Variants in ZC3H6 observed in about 807,000 individuals in gnomAD.
ZC3H6 encodes the protein zinc finger CCCH domain-containing protein 6.
A neutral mutation model predicts 107.7 loss-of-function variants in ZC3H6; 40 were observed. The observed-to-expected ratio is 0.37, with a 90% CI of 0.29 to 0.48. The LOEUF (loss-of-function observed/expected upper bound fraction) is 0.48. Among genes scored for constraint, ZC3H6 ranks in the 20% least tolerant of loss-of-function variants. The pLI is 0.98. For synonymous variants in ZC3H6, 493 were observed against 487.9 expected (o/e 1.01, Z -0.14); for missense variants, 1,267 against 1,410.4 (o/e 0.90, Z 1.63).
intron 1 of ZC3H6, among the ~76,000 whole-genome samples, chr2:112,286,746 T>C (rs562303862): frequency 3.3e-4 from 51 of 152,290 alleles, no homozygotes; most frequent in African/African-American, 1.2e-3. Flanking sequence ...CAGATTTTTG[T>C]TATACTGTTT....
chr2:112,319,417 G>A (rs1241595034), intron 7 of ZC3H6, among the ~76,000 whole-genome samples: 3 of 152,110 alleles, frequency 2.0e-5, no homozygotes, highest in African/African-American at 4.8e-5. Context: ...AGGCCAAGGC[G>A]GGTGGATCAC....
chr2:112,338,691 G>A lies in ZC3H6; in HGVS notation c.*6203G>A, dbSNP rs952411549. 1 of 151,654 alleles carries A rather than the reference G, an allele frequency of 6.6e-6. No individual in the cohort carries two copies. Among genetic ancestry groups the A allele is most frequent in the Non-Finnish European group, 1.5e-5 (1 of 67,916 alleles). 9.4% of individuals were successfully genotyped at this position (151,654 alleles called of 1,614,324 possible). A position where few individuals can be genotyped will look rare whatever the true frequency, so the allele number is the denominator to read the frequency against. ...TTCATGAGAGTATTAAGGTTGAAAG[G>A]AATGGTGAAATTTGCATTATCAGAG... On this transcript the variant is annotated 3_prime_UTR_variant, in exon 12 of 12. Coordinates refer to ENST00000409871, the MANE Select transcript of ZC3H6 (RefSeq NM_198581.3).
chr2:112,326,335 TA>T (rs369602331), intron 11 of ZC3H6, among the ~76,000 whole-genome samples: 1 of 152,296 alleles, frequency 6.6e-6, no homozygotes, highest in African/African-American at 2.4e-5. Context: ...TGGTACCCAT[TA>T]ACCGTCCCCA....
chr2:112,327,782 G>A (rs1464306991), intron 11 of ZC3H6, among the ~76,000 whole-genome samples: 1 of 152,148 alleles, frequency 6.6e-6, no homozygotes, highest in East Asian at 1.9e-4. Flanking sequence ...TTTCCCCGAT[G>A]TATGTTTTTA....
chr2:112,312,988 T>C lies in ZC3H6; in HGVS notation c.747+1051T>C, dbSNP rs553427694. ...GATAGTGGGCAGAGATTTCTTAATA[T>C]GCACTCCTTAGTATACTGTTTCAGG... On this transcript the variant is annotated intron_variant, in intron 5 of 11. Transcript: ENST00000409871. Among the ~76,000 whole-genome samples the C allele has an allele frequency of 4.6e-5, 7 of 152,234 alleles. No individual in the cohort carries two copies. In the South Asian group the frequency reaches 1.2e-3, roughly 27 times the overall value.
Position 112,338,861 on chromosome 2 carries a change from A to G in ZC3H6, c.*6373A>G, listed in dbSNP as rs1284125846. 247 of 2,348 alleles carry G rather than the reference A, an allele frequency of 0.11. 12 individuals are homozygous for G. Among genetic ancestry groups the G allele is most frequent in the African/African-American group, 0.14 (24 of 170 alleles). The allele number at this position is 2,348 out of a possible 1,614,324, so 0.1% of individuals were successfully genotyped here. A position where few individuals can be genotyped will look rare whatever the true frequency, so the allele number is the denominator to read the frequency against. On this transcript the variant is annotated 3_prime_UTR_variant, in exon 12 of 12. Transcript: ENST00000409871. The stretch of plus-strand genomic sequence containing the variant: ...TATATGTATGTATATGTGTGTATAT[A>G]TATATATATATATATATATATATAT...
Position 112,338,429 on chromosome 2 carries a change from A to G in ZC3H6, c.*5941A>G, listed in dbSNP as rs1486669673. 1.3e-5 allele frequency: 2 copies of G among 152,218 alleles called. No homozygotes were observed. The highest frequency in any genetic ancestry group is 4.1e-4 in the South Asian group (2 of 4,832). 9.4% of individuals were successfully genotyped at this position (152,218 alleles called of 1,614,324 possible). A position where few individuals can be genotyped will look rare whatever the true frequency, so the allele number is the denominator to read the frequency against. On this transcript the variant is annotated 3_prime_UTR_variant, in exon 12 of 12. Transcript: ENST00000409871. ...TTTCGTTACCCTTTGGAATAGAACA[A>G]TCATGCTACTGTTAGCAAAATTATT...
At chr2:112,278,134 A>C (rs553390765) in intron 1 of ZC3H6, among the ~76,000 whole-genome samples, 1 of 152,314 alleles carries the variant, frequency 6.6e-6, no homozygotes, top group African/African-American at 2.4e-5. Flanking sequence ...TATTTTTCAT[A>C]GGCTCCCTGG....
chr2:112,294,842 T>C (rs528526288), intron 1 of ZC3H6, among the ~76,000 whole-genome samples: 1 of 152,216 alleles, frequency 6.6e-6, no homozygotes, highest in Non-Finnish European at 1.5e-5. Flanking sequence ...TCTTGAATTT[T>C]TATACCATAG....
chr2:112,285,450 G>A (rs531742194), intron 1 of ZC3H6, among the ~76,000 whole-genome samples: 5 of 151,416 alleles, frequency 3.3e-5, no homozygotes, highest in Admixed American at 1.3e-4. Context: ...TCTGCCTCCC[G>A]GGTTCAAATT....
intron 1 of ZC3H6, among the ~76,000 whole-genome samples, chr2:112,293,355 G>C (rs550360953): frequency 3.3e-5 from 5 of 152,172 alleles, no homozygotes; most frequent in Admixed American, 3.3e-4. Flanking sequence ...AGTCAAAAAG[G>C]GGTAAGCTAA....
intron 4 of ZC3H6, among the ~76,000 whole-genome samples, chr2:112,311,285 C>A (rs1024974367): frequency 2.6e-5 from 4 of 152,146 alleles, no homozygotes; most frequent in African/African-American, 9.7e-5. Flanking sequence ...CAGAGTGAGA[C>A]CCTGCCTCTA....
intron 1 of ZC3H6, among the ~76,000 whole-genome samples, chr2:112,284,012 C>A (rs1435040646): frequency 6.6e-6 from 1 of 152,202 alleles, no homozygotes; most frequent in African/African-American, 2.4e-5. Context: ...CTGTGGAAAG[C>A]AATTCTATTG....
At chr2:112,284,151 G>T (rs1173957195) in intron 1 of ZC3H6, among the ~76,000 whole-genome samples, 2 of 151,732 alleles carry the variant, frequency 1.3e-5, no homozygotes, top group Non-Finnish European at 3.0e-5. Flanking sequence ...GATCACTGGT[G>T]CTTCTGTGTG....
Position 112,315,418 on chromosome 2 carries a change from C to G in ZC3H6, c.748-1052C>G, listed in dbSNP as rs555282100. ...CCTGTTTGTTTGCCCTTTTTTTCCC[C>G]TAAAGAAAGTACAAAATAACCACAC... On this transcript the variant is annotated intron_variant, in intron 5 of 11. Transcript: ENST00000409871. 1.9e-4 allele frequency among the ~76,000 whole-genome samples: 29 copies of G among 151,928 alleles called. No homozygotes were observed. In the East Asian group the frequency reaches 4.8e-3, roughly 25 times the overall value.
intron 1 of ZC3H6, among the ~76,000 whole-genome samples, chr2:112,296,751 G>C (rs1676244835): frequency 6.6e-6 from 1 of 152,116 alleles, no homozygotes; most frequent in Non-Finnish European, 1.5e-5. Context: ...TATACATTCA[G>C]GGATTCAGTA....
Position 112,316,473 on chromosome 2 carries a change from A to G in ZC3H6, c.751A>G (p.Asn251Asp). 6.3e-7 allele frequency: 1 copy of G among 1,599,492 alleles called. No homozygotes were observed. Among genetic ancestry groups the G allele is most frequent in the South Asian group, 1.1e-5 (1 of 88,796 alleles). ...AAATGGAATTTTTTTCTTGCAGTAT[A>G]ATAAACCAGGGAAAAAATGGAAGGT... ...FSVSDDFQEYNKPGKKWKVMT... is the reference protein window; with the variant it reads ...FSVSDDFQEYDKPGKKWKVMT... Residue 251 changes from asparagine (N) to aspartate (D), a missense_variant, in exon 6 of 12, where the codon AAT (asparagine) becomes GAT (aspartate). Transcript: ENST00000409871.
Position 112,333,133 on chromosome 2 carries a change from AT to A in ZC3H6, c.*649del, listed in dbSNP as rs1393779177. 1 of 152,568 alleles carries A rather than the reference AT, an allele frequency of 6.6e-6. No individual in the cohort carries two copies. Among genetic ancestry groups the A allele is most frequent in the Non-Finnish European group, 1.5e-5 (1 of 67,986 alleles). The allele number at this position is 152,568 out of a possible 1,614,324, so 9.5% of individuals were successfully genotyped here. On this transcript the variant is annotated 3_prime_UTR_variant, in exon 12 of 12. Coordinates refer to ENST00000409871, the MANE Select transcript of ZC3H6 (RefSeq NM_198581.3). ...GAAGTTGGAGGTATATAAATAGAAC[AT>A]TTTGCTAAAGTGAAAAATTTCCAAG...
intron 7 of ZC3H6, among the ~76,000 whole-genome samples, chr2:112,319,515 G>A (rs1189024369): frequency 3.3e-5 from 5 of 151,996 alleles, no homozygotes; most frequent in Admixed American, 1.3e-4. Flanking sequence ...GCATGGTAGC[G>A]TGCACCTGTA....
Sources: allele counts gnomAD v4.1 joint callset (sites outside exome capture counted in the v4.1 genomes callset), GRCh38; gene constraint gnomAD v4.1.1; transcripts MANE v1.5; gene names NCBI Gene and HGNC (gene_info 2026-07-23, HGNC 2026-07-21).